The following GPC5 variants were observed in gnomAD, a reference collection of about 807,000 sequenced individuals.
GPC5 encodes glypican 5, also known as glypican-5.
GPC5 carries 47 observed loss-of-function variants against 53.9 expected under a neutral mutation model. That is an observed-to-expected ratio of 0.87 (90% CI 0.69 to 1.11). GPC5 has a LOEUF of 1.11. GPC5 is among the 50% of genes most tolerant of loss of function. The pLI, the probability that GPC5 is intolerant of heterozygous loss-of-function variation, is 0.00. For synonymous variants in GPC5, 286 were observed against 263.3 expected (o/e 1.09, Z -0.84); for missense variants, 748 against 713.1 (o/e 1.05, Z -0.56).
chr13:92,088,279 A>G (rs2041351657), intron 6 of GPC5, among the ~76,000 whole-genome samples: 3 of 152,106 alleles, frequency 2.0e-5, no homozygotes, highest in Admixed American at 6.5e-5. Flanking sequence ...GTCATTCATG[A>G]TACAATGTTC....
At chr13:91,631,067 C>T (rs2034146130) in intron 2 of GPC5, among the ~76,000 whole-genome samples, 1 of 152,072 alleles carries the variant, frequency 6.6e-6, no homozygotes, top group African/African-American at 2.4e-5. Context: ...TTATTGGAAT[C>T]ACTGAAATTC....
chr13:92,492,910 A>AC (rs1334509506), intron 7 of GPC5, among the ~76,000 whole-genome samples: 1 of 152,142 alleles, frequency 6.6e-6, no homozygotes, highest in Non-Finnish European at 1.5e-5. Context: ...ATGGGGAATA[A>AC]TTTTTTTCCA....
chr13:91,995,176 G>C (rs914316569), intron 6 of GPC5: 3 of 151,888 alleles, frequency 2.0e-5, no homozygotes, highest in African/African-American at 7.3e-5. Context: ...GTTTCACTGT[G>C]TTAGCCAGGA....
chr13:91,872,096 CCTT>C lies in GPC5; in HGVS notation c.1281-35834_1281-35832del, dbSNP rs1055560482. Among the ~76,000 whole-genome samples the C allele has an allele frequency of 3.7e-4, 56 of 152,150 alleles. No homozygotes were observed. The South Asian group carries it at 6.0e-3, about 16-fold the overall frequency. On this transcript the variant is annotated intron_variant, in intron 5 of 7. Coordinates refer to ENST00000377067, the MANE Select transcript of GPC5 (RefSeq NM_004466.6). ...GTCCCTCATCTCTCTGGGAAAATGT[CCTT>C]CTTCTTAGAAACAGAAGAGGTAAAC...
chr13:91,491,467 C>G (rs1883939325), intron 2 of GPC5, among the ~76,000 whole-genome samples: 1 of 152,166 alleles, frequency 6.6e-6, no homozygotes, highest in Admixed American at 6.6e-5. Flanking sequence ...GAATATACTG[C>G]CTGGAATAAT....
At chr13:92,571,082 T>G (rs375449864) in intron 7 of GPC5, among the ~76,000 whole-genome samples, 1 of 152,176 alleles carries the variant, frequency 6.6e-6, no homozygotes, top group Non-Finnish European at 1.5e-5. Flanking sequence ...GCATTAAATA[T>G]TCTCTTGGGG....
At position 92,491,698 on chromosome 13, in the gene GPC5, G is replaced by A. The variant is rs189182059; in HGVS notation, c.1561+346709G>A. 4.6e-5 allele frequency among the ~76,000 whole-genome samples: 7 copies of A among 152,074 alleles called. No individual in the cohort carries two copies. In the South Asian group the frequency reaches 6.2e-4, roughly 14 times the overall value. On this transcript the variant is annotated intron_variant, in intron 7 of 7. Coordinates refer to ENST00000377067, the MANE Select transcript of GPC5 (RefSeq NM_004466.6). Reference sequence around the variant, plus strand: ...GACAAGCAACAAGAAATATATTGTCGAATGTACTGTCTTCTACCTGAATAT... The same window carrying A: ...GACAAGCAACAAGAAATATATTGTCAAATGTACTGTCTTCTACCTGAATAT...
At chr13:92,132,993 C>G (rs1363365702) in intron 6 of GPC5, among the ~76,000 whole-genome samples, 1 of 151,860 alleles carries the variant, frequency 6.6e-6, no homozygotes, top group South Asian at 2.1e-4. Context: ...ATTTTAAGCT[C>G]CTCATTTTTT....
At chr13:92,624,603 T>C (rs1273101129) in intron 7 of GPC5, among the ~76,000 whole-genome samples, 1 of 152,174 alleles carries the variant, frequency 6.6e-6, no homozygotes, top group Non-Finnish European at 1.5e-5. Flanking sequence ...GGAGACAGAA[T>C]ACCAGCATGT....
intron 6 of GPC5, among the ~76,000 whole-genome samples, chr13:92,002,321 A>G (rs1020955697): frequency 6.6e-6 from 1 of 152,242 alleles, no homozygotes; most frequent in Non-Finnish European, 1.5e-5. Flanking sequence ...CCAGTCTAAG[A>G]TAATCCATTT....
intron 7 of GPC5, among the ~76,000 whole-genome samples, chr13:92,594,997 C>T (rs1566310504): frequency 6.6e-6 from 1 of 152,096 alleles, no homozygotes; most frequent in Non-Finnish European, 1.5e-5. Flanking sequence ...AGACCTGGTT[C>T]AACAACACAT....
intron 3 of GPC5, among the ~76,000 whole-genome samples, chr13:91,699,934 G>A (rs1053985239): frequency 5.3e-5 from 8 of 151,594 alleles, no homozygotes; most frequent in African/African-American, 1.9e-4. Flanking sequence ...AGGTAATTTT[G>A]TTTTTTTTCA....
chr13:91,536,421 G>T (rs1886595026), intron 2 of GPC5, among the ~76,000 whole-genome samples: 4 of 152,162 alleles, frequency 2.6e-5, no homozygotes, highest in African/African-American at 9.7e-5. Flanking sequence ...TAGCAGAACA[G>T]ATCTAGTCTC....
intron 2 of GPC5, among the ~76,000 whole-genome samples, chr13:91,657,057 C>T (rs2034863146): frequency 6.6e-6 from 1 of 152,076 alleles, no homozygotes; most frequent in African/African-American, 2.4e-5. Flanking sequence ...TACTCTTGTA[C>T]TCCTCCTGCA....
chr13:92,542,424 A>C (rs1257739701), intron 7 of GPC5, among the ~76,000 whole-genome samples: 1 of 151,964 alleles, frequency 6.6e-6, no homozygotes, highest in Non-Finnish European at 1.5e-5. Context: ...TCTACATATG[A>C]GTGATAACAT....
chr13:92,255,763 C>T (rs2042722260), intron 7 of GPC5, among the ~76,000 whole-genome samples: 2 of 152,106 alleles, frequency 1.3e-5, no homozygotes, highest in African/African-American at 4.8e-5. Flanking sequence ...GTATTTGGAA[C>T]ACTCACAAGA....
intron 7 of GPC5, among the ~76,000 whole-genome samples, chr13:92,476,400 G>C (rs1174863373): frequency 6.6e-6 from 1 of 150,612 alleles, no homozygotes; most frequent in East Asian, 2.0e-4. Context: ...AACAACAGGT[G>C]CTGGAGAGGA....
At chr13:91,934,158 T>C (rs1392002915) in intron 6 of GPC5, among the ~76,000 whole-genome samples, 1 of 151,864 alleles carries the variant, frequency 6.6e-6, no homozygotes, top group Non-Finnish European at 1.5e-5. Flanking sequence ...CCTATGTCAG[T>C]ATACAAAAGA....
intron 2 of GPC5, among the ~76,000 whole-genome samples, chr13:91,559,604 A>AC (rs1476593462): frequency 6.6e-6 from 1 of 152,188 alleles, no homozygotes; most frequent in Non-Finnish European, 1.5e-5. Flanking sequence ...TGGAATGTGT[A>AC]CATATACTTG....
Sources: gnomAD v4.1 joint callset for allele counts (sites outside exome capture counted in the v4.1 genomes callset) on GRCh38, gnomAD v4.1.1 for gene constraint, MANE v1.5 for transcripts, NCBI Gene and HGNC (gene_info 2026-07-23, HGNC 2026-07-21) for gene names.